The following KCNH1 variants were observed in gnomAD, a reference collection of about 807,000 sequenced individuals.
The protein encoded by KCNH1 is voltage-gated delayed rectifier potassium channel KCNH1.
A neutral mutation model predicts 69.2 loss-of-function variants in KCNH1; 27 were observed. That is an observed-to-expected ratio of 0.39 (90% CI 0.29 to 0.54). The LOEUF (loss-of-function observed/expected upper bound fraction) is 0.54, where lower values mean the gene tolerates loss of function less well. Among genes scored for constraint, KCNH1 ranks in the 20% least tolerant of loss-of-function variants. KCNH1 has a pLI of 0.68. For missense variants in KCNH1, 798 were observed against 1,261.6 expected, an observed-to-expected ratio of 0.63 and a Z score of 5.57; for synonymous variants, 456 against 487.7, an observed-to-expected ratio of 0.93 and a Z score of 0.86.
intron 9 of KCNH1, among the ~76,000 whole-genome samples, chr1:210,778,530 CAAAAAA>C (rs10679033): frequency 8.2e-6 from 1 of 122,386 alleles, no homozygotes; most frequent in Non-Finnish European, 1.7e-5. Context: ...GACTCTGTCT[CAAAAAA>C]AAAAAAAAAA....
intron 5 of KCNH1, among the ~76,000 whole-genome samples, chr1:211,048,809 A>G (rs181173321): frequency 5.3e-5 from 8 of 152,280 alleles, no homozygotes; most frequent in Admixed American, 2.6e-4. Flanking sequence ...CCATGTAACC[A>G]AACACCACCT....
chr1:211,036,758 T>C (rs889915200), intron 5 of KCNH1, among the ~76,000 whole-genome samples: 6 of 152,186 alleles, frequency 3.9e-5, no homozygotes, highest in African/African-American at 1.2e-4. Context: ...CTTGTCAGTA[T>C]GAGCATGTGC....
At chr1:211,101,096 T>C (rs940109001) in intron 3 of KCNH1, among the ~76,000 whole-genome samples, 1 of 152,208 alleles carries the variant, frequency 6.6e-6, no homozygotes, top group Non-Finnish European at 1.5e-5. Flanking sequence ...TTAGGAAGAT[T>C]TCCTTCCCTG....
intron 1 of KCNH1, among the ~76,000 whole-genome samples, chr1:211,125,281 C>A (rs1456920097): frequency 6.6e-6 from 1 of 152,184 alleles, no homozygotes; most frequent in African/African-American, 2.4e-5. Flanking sequence ...CAGCCTCCAA[C>A]AAGAGACAGG....
At chr1:210,832,903 A>AATATATATATATATATATATAT (rs1182447741) in intron 7 of KCNH1, among the ~76,000 whole-genome samples, 2 of 39,008 alleles carry the variant, frequency 5.1e-5, no homozygotes, top group Admixed American at 2.0e-4. Flanking sequence ...GCATTTCTCA[A>AATATATATATATATATATATAT]ATACATATAT....
intron 7 of KCNH1, among the ~76,000 whole-genome samples, chr1:210,834,103 C>G (rs1685227708): frequency 6.6e-6 from 1 of 152,004 alleles, no homozygotes; most frequent in Non-Finnish European, 1.5e-5. Context: ...TAAACTAGTT[C>G]AACCATTGTG....
At chr1:211,101,943 C>G (rs1416065) in intron 3 of KCNH1, among the ~76,000 whole-genome samples, 1 of 151,900 alleles carries the variant, frequency 6.6e-6, no homozygotes, top group Non-Finnish European at 1.5e-5. Flanking sequence ...GATGCCCAGG[C>G]TGACATGCCA....
At chr1:211,106,600 A>G (rs1691352207) in intron 2 of KCNH1, among the ~76,000 whole-genome samples, 2 of 148,972 alleles carry the variant, frequency 1.3e-5, no homozygotes, top group Admixed American at 1.4e-4. Flanking sequence ...CCTGGCCAAC[A>G]TGGTGAAACC....
intron 6 of KCNH1, among the ~76,000 whole-genome samples, chr1:210,948,870 A>G (rs536047341): frequency 1.3e-5 from 2 of 152,118 alleles, no homozygotes; most frequent in African/African-American, 2.4e-5. Flanking sequence ...ATCCAGATGA[A>G]GAAACATGCC....
chr1:210,859,972 T>C, intron 7 of KCNH1: 2 of 1,591,846 alleles, frequency 1.3e-6, no homozygotes, highest in Non-Finnish European at 1.7e-6. Context: ...TTAACCTCTC[T>C]TGGCAGTCTT....
chr1:210,988,118 T>G (rs1283403085), intron 6 of KCNH1, among the ~76,000 whole-genome samples: 1 of 152,216 alleles, frequency 6.6e-6, no homozygotes, highest in African/African-American at 2.4e-5. Context: ...TGCCATTTGT[T>G]AAGCCCGTTG....
At chr1:211,096,086 T>G (rs1414096892) in intron 3 of KCNH1, among the ~76,000 whole-genome samples, 1 of 150,074 alleles carries the variant, frequency 6.7e-6, no homozygotes, top group East Asian at 1.9e-4. Context: ...TTTTTTGAGA[T>G]GGAGTCTCAC....
intron 6 of KCNH1, among the ~76,000 whole-genome samples, chr1:210,927,021 A>C (rs756385293): frequency 2.0e-5 from 3 of 150,820 alleles, no homozygotes; most frequent in Non-Finnish European, 4.5e-5. Context: ...AAAAACAAAG[A>C]AAAAAGAATT....
chr1:210,738,927 A>G (rs763389193), intron 10 of KCNH1, among the ~76,000 whole-genome samples: 17 of 151,900 alleles, frequency 1.1e-4, no homozygotes, highest in Non-Finnish European at 2.5e-4. Flanking sequence ...GAGCAGCTTT[A>G]CCTCCTTCCA....
At chr1:210,870,045 T>C (rs963492765) in intron 7 of KCNH1, among the ~76,000 whole-genome samples, 13 of 152,176 alleles carry the variant, frequency 8.5e-5, no homozygotes, top group Admixed American at 1.3e-4. Context: ...GAGTGTGTAT[T>C]GTGGTCCAGA....
chr1:210,940,991 C>A (rs1306536921), intron 6 of KCNH1, among the ~76,000 whole-genome samples: 1 of 152,158 alleles, frequency 6.6e-6, no homozygotes, highest in Non-Finnish European at 1.5e-5. Flanking sequence ...GGGGTGAAAA[C>A]CCCAGTGACT....
chr1:211,051,108 G>A (rs892971090), intron 5 of KCNH1, among the ~76,000 whole-genome samples: 12 of 151,898 alleles, frequency 7.9e-5, no homozygotes, highest in Non-Finnish European at 1.3e-4. Flanking sequence ...AGTGATTCTC[G>A]TGCCTCAGTC....
chr1:210,884,386 T>C (rs764993705), intron 7 of KCNH1, among the ~76,000 whole-genome samples: 4 of 152,230 alleles, frequency 2.6e-5, no homozygotes, highest in Admixed American at 6.5e-5. Flanking sequence ...TTCCTGTATC[T>C]ATTATCTTAG....
At position 210,996,869 on chromosome 1, in the gene KCNH1, C is replaced by A. The variant is rs574867905; in HGVS notation, c.1032+21914G>T. On this transcript the variant is annotated intron_variant, in intron 6 of 10. Coordinates refer to ENST00000271751, the MANE Select transcript of KCNH1 (RefSeq NM_172362.3). The stretch of plus-strand genomic sequence containing the variant: ...AGCCACCGCTGTTCTACAGCCACCG[C>A]TGTTCTGCAGCCACCGCTGCTGATA... Among the ~76,000 whole-genome samples, 3 of 152,322 alleles carry A rather than the reference C, an allele frequency of 2.0e-5. No homozygotes were observed. In the East Asian group the frequency reaches 5.8e-4, roughly 29 times the overall value.
Sources: allele counts gnomAD v4.1 joint callset (sites outside exome capture counted in the v4.1 genomes callset), GRCh38; gene constraint gnomAD v4.1.1; transcripts MANE v1.5; gene names NCBI Gene and HGNC (gene_info 2026-07-23, HGNC 2026-07-21).